The following ZNF398 variants were observed in gnomAD, a reference collection of about 807,000 sequenced individuals.
ZNF398 encodes zinc finger protein 398, also known as zinc finger DNA binding protein ZER6.
ZNF398 carries 18 observed loss-of-function variants against 41.9 expected under a neutral mutation model. The observed-to-expected ratio is 0.43, with a 90% CI of 0.30 to 0.64. The LOEUF (loss-of-function observed/expected upper bound fraction) is 0.64, where lower values mean the gene tolerates loss of function less well. ZNF398 is among the 30% of genes least tolerant of loss of function. ZNF398 has a pLI of 0.14. For missense variants in ZNF398, 669 were observed against 822.8 expected (o/e 0.81, Z 2.29); for synonymous variants, 260 against 308.8 (o/e 0.84, Z 1.66).
At chr7:149,168,679 C>G (rs1795273125) in intron 4 of ZNF398, among the ~76,000 whole-genome samples, 1 of 152,016 alleles carries the variant, frequency 6.6e-6, no homozygotes, top group Non-Finnish European at 1.5e-5. Flanking sequence ...AGTGATTCTC[C>G]AGCCTCAGCC....
chr7:149,132,194 CT>C (rs35611997), intron 2 of ZNF398, among the ~76,000 whole-genome samples: 52,753 of 112,734 alleles, frequency 0.47, 9,804 homozygotes, highest in East Asian at 0.73. Context: ...TTCTCTCTCT[CT>C]TTTTTTTTTT....
Position 149,179,423 on chromosome 7 carries a change from TA to T in ZNF398, c.1553del (p.Lys518ArgfsTer10). ...GTCCTTACCCCTGCACTGACTGCAG[TA>T]AGAGCTTCATGCGCAAGGAGCACCT... is the stretch of plus-strand genomic sequence containing the variant. ...ERPYPCTDCS[K>X]SFMRKEHLLN... On this transcript the variant is annotated frameshift_variant, in exon 6 of 6. Coordinates refer to ENST00000475153, the MANE Select transcript of ZNF398 (RefSeq NM_170686.3). LOFTEE classifies it high-confidence loss of function. This position sits in a 1 kb window ranked among gnomAD's most constrained non-coding sequence, Gnocchi z 6.1. 6.2e-7 allele frequency: 1 copy of T among 1,613,810 alleles called. No homozygotes were observed. The highest frequency in any genetic ancestry group is 8.5e-7 in the Non-Finnish European group (1 of 1,180,000).
At chr7:149,143,488 T>G (rs1268464842), upstream of ZNF398, among the ~76,000 whole-genome samples, 2 of 152,322 alleles carry the variant, frequency 1.3e-5, no homozygotes, top group African/African-American at 2.4e-5. Context: ...AAAGTCAAGA[T>G]GCAGATGGAA....
At chr7:149,142,442 C>T (rs1016919077) in intron 2 of ZNF398, among the ~76,000 whole-genome samples, 7 of 152,124 alleles carry the variant, frequency 4.6e-5, no homozygotes, top group East Asian at 1.9e-4. Flanking sequence ...CCGAGGCGGG[C>T]GGATCACGAG....
chr7:149,132,276 C>A (rs1198572622), intron 2 of ZNF398, among the ~76,000 whole-genome samples: 2 of 150,200 alleles, frequency 1.3e-5, no homozygotes, highest in Non-Finnish European at 3.0e-5. Flanking sequence ...CTCACTGCAA[C>A]CTCCACCTCC....
chr7:149,134,248 T>G (rs34003120), intron 2 of ZNF398, among the ~76,000 whole-genome samples: 11 of 150,818 alleles, frequency 7.3e-5, no homozygotes, highest in Non-Finnish European at 1.0e-4. Context: ...TGTTTTTTTG[T>G]TTTTTTTGGA....
Position 149,147,770 on chromosome 7 carries a change from A to C in ZNF398, c.24+4A>C. On this transcript the variant is annotated splice_donor_region_variant and intron_variant, in intron 1 of 5. Transcript: ENST00000475153. This position sits in a 1 kb window ranked among gnomAD's most constrained non-coding sequence, Gnocchi z 5.6. ...GGCTGAGGCGGCCCCGGCCCCGGTA[A>C]GGGCGGCCGCGCGCGAGTGTTGTGA... 7.2e-7 allele frequency: 1 copy of C among 1,391,786 alleles called. No homozygotes were observed. The allele number at this position is 1,391,786 out of a possible 1,614,324, so 86.2% of individuals were successfully genotyped here.
chr7:149,142,172 G>T (rs539608721), intron 2 of ZNF398, among the ~76,000 whole-genome samples: 10 of 152,192 alleles, frequency 6.6e-5, no homozygotes, highest in African/African-American at 2.4e-4. Flanking sequence ...TTTCGGTTGA[G>T]ATTTCCCCAA....
intron 2 of ZNF398, among the ~76,000 whole-genome samples, chr7:149,160,163 G>A (rs1795076831): frequency 6.6e-6 from 1 of 152,128 alleles, no homozygotes; most frequent in Non-Finnish European, 1.5e-5. Flanking sequence ...TCTAGGCCAG[G>A]CGCGGTGACT....
intron 2 of ZNF398, among the ~76,000 whole-genome samples, chr7:149,139,247 A>G (rs1826774498): frequency 6.7e-6 from 1 of 149,946 alleles, no homozygotes; most frequent in Admixed American, 6.7e-5. Flanking sequence ...TTTTGTAAAG[A>G]TGGGGTCTCA....
Position 149,174,015 on chromosome 7 carries a change from A to G in ZNF398, c.662-2453A>G, listed in dbSNP as rs531701694. Among the ~76,000 whole-genome samples, 77 of 151,986 alleles carry G rather than the reference A, an allele frequency of 5.1e-4. 1 individual carries two copies. The South Asian group carries it at 0.016, about 31-fold the overall frequency. The stretch of plus-strand genomic sequence containing the variant: ...CTCCATGTTGGTCAGACTGGTCTCA[A>G]ACTCCTGACCTCAGGTGATCCGCCC... On this transcript the variant is annotated intron_variant, in intron 4 of 5. Coordinates refer to ENST00000475153, the MANE Select transcript of ZNF398 (RefSeq NM_170686.3).
At position 149,147,734 on chromosome 7, in the gene ZNF398, C is replaced by T. The variant is rs1370175322; in HGVS notation, c.-9C>T. 3 of 1,369,742 alleles carry T rather than the reference C, an allele frequency of 2.2e-6. No individual in the cohort carries two copies. Among genetic ancestry groups the T allele is most frequent in the Admixed American group, 3.5e-5 (1 of 28,554 alleles). 84.8% of individuals were successfully genotyped at this position (1,369,742 alleles called of 1,614,324 possible). On this transcript the variant is annotated 5_prime_UTR_variant, in exon 1 of 6. Coordinates refer to ENST00000475153, the MANE Select transcript of ZNF398 (RefSeq NM_170686.3). This position sits in a 1 kb window ranked among gnomAD's most constrained non-coding sequence, Gnocchi z 5.6. ...GACTTCCGAGGCCCGGGCTAGACAG[C>T]GCAGGGCCATGGCTGAGGCGGCCCC...
At chr7:149,161,808 C>CAAA (rs36116852) in intron 2 of ZNF398, among the ~76,000 whole-genome samples, 1 of 116,696 alleles carries the variant, frequency 8.6e-6, no homozygotes, top group Non-Finnish European at 1.8e-5. Flanking sequence ...TAATTAACTC[C>CAAA]AAAAAAAAAA....
At chr7:149,155,147 T>G (rs1332009136) in intron 2 of ZNF398, among the ~76,000 whole-genome samples, 1 of 146,098 alleles carries the variant, frequency 6.8e-6, no homozygotes, top group Non-Finnish European at 1.5e-5. Flanking sequence ...ATTGGCCAGG[T>G]GTGGTGGCTC....
At chr7:149,159,914 T>C (rs1458776262) in intron 2 of ZNF398, among the ~76,000 whole-genome samples, 2 of 151,720 alleles carry the variant, frequency 1.3e-5, no homozygotes, top group East Asian at 3.9e-4. Context: ...TTAGTAGAGA[T>C]GGGGTTTCCC....
At position 149,154,271 on chromosome 7, in the gene ZNF398, G is replaced by A. The variant is rs759463567; in HGVS notation, c.351G>A (p.Glu117=). The A allele has an allele frequency of 6.2e-7, 1 of 1,614,156 alleles. No homozygotes were observed. Among genetic ancestry groups the A allele is most frequent in the South Asian group, 1.1e-5 (1 of 91,090 alleles). The change falls in exon 2 of 6, where the codon GAG becomes GAA. Residue 117 remains glutamate (E), a synonymous_variant. Coordinates refer to ENST00000475153, the MANE Select transcript of ZNF398 (RefSeq NM_170686.3). Reference sequence around the variant, plus strand: ...TGCAGAGGCGGCTGGAGAACTTGGAGAACCTGCTGCGCAACAGGAACTTCT... The same window carrying A: ...TGCAGAGGCGGCTGGAGAACTTGGAAAACCTGCTGCGCAACAGGAACTTCT... The part of the protein sequence containing the change: ...GLLQRRLENL[E]NLLRNRNFWI...
At position 149,150,564 on chromosome 7, in the gene ZNF398, A is replaced by G. The variant is rs549910502; in HGVS notation, c.24+2798A>G. Among the ~76,000 whole-genome samples, 126 of 152,134 alleles carry G rather than the reference A, an allele frequency of 8.3e-4. 1 individual carries two copies. The highest frequency in any genetic ancestry group is 3.0e-3 in the African/African-American group (125 of 41,520). On this transcript the variant is annotated intron_variant, in intron 1 of 5. Transcript: ENST00000475153. ...CGGTAAGCTGAGATTACACCACTGC[A>G]CTCCAGCCTGGGTGACAGTGAGACC...
intron 2 of ZNF398, among the ~76,000 whole-genome samples, chr7:149,159,715 CA>C (rs563529439): frequency 0.023 from 3,265 of 142,542 alleles, 100 homozygotes; most frequent in African/African-American, 0.076. Flanking sequence ...AACTTTTCCT[CA>C]AAAAAAAAAA....
chr7:149,133,673 ATATATACATATATATGTGTG>A (rs1285538050), intron 2 of ZNF398, among the ~76,000 whole-genome samples: 14 of 47,466 alleles, frequency 2.9e-4, no homozygotes, highest in East Asian at 2.4e-3. Flanking sequence ...ATATATATAT[ATATATACATATATATGTGTG>A]TATATATATA....
Sources: allele counts gnomAD v4.1 joint callset (sites outside exome capture counted in the v4.1 genomes callset), GRCh38; gene constraint gnomAD v4.1.1; non-coding constraint Gnocchi (gnomAD v3.1); transcripts MANE v1.5; gene names NCBI Gene and HGNC (gene_info 2026-07-23, HGNC 2026-07-21).